Variants in RBCK1 observed in about 807,000 individuals in gnomAD.
The protein encoded by RBCK1 is RANBP2-type and C3HC4-type zinc finger containing 1.
In RBCK1, 44 loss-of-function variants were observed where a neutral mutation model predicts 71.1. The observed-to-expected ratio is 0.62, with a 90% CI of 0.49 to 0.80. The LOEUF (loss-of-function observed/expected upper bound fraction) is 0.80, where lower values mean the gene tolerates loss of function less well. Ranked by LOEUF, RBCK1 falls within the 30% of genes least tolerant of loss-of-function variation. The pLI, the probability that RBCK1 is intolerant of heterozygous loss-of-function variation, is 0.00. For synonymous variants in RBCK1, 306 were observed against 279.7 expected, an observed-to-expected ratio of 1.09 and a Z score of -0.94; for missense variants, 569 against 685.0, an observed-to-expected ratio of 0.83 and a Z score of 1.89.
intron 2 of RBCK1, chr20:410,297 C>T (rs1239160275): frequency 1.5e-5 from 10 of 669,858 alleles, no homozygotes; most frequent in Non-Finnish European, 2.7e-5. Context: ...CAGAAGAAAA[C>T]GGAACAGTGA....
chr20:410,918 A>T (rs1016879248), intron 2 of RBCK1, among the ~76,000 whole-genome samples: 1 of 152,034 alleles, frequency 6.6e-6, no homozygotes, highest in Non-Finnish European at 1.5e-5. Context: ...ATACAGTTCA[A>T]TGGCTTTTAG....
intron 2 of RBCK1, among the ~76,000 whole-genome samples, chr20:414,698 G>A (rs2015891517): frequency 6.6e-6 from 1 of 152,158 alleles, no homozygotes; most frequent in African/African-American, 2.4e-5. Flanking sequence ...AGGATTTATA[G>A]TATTTTGATT....
chr20:419,247 TA>T (rs1399751590), intron 4 of RBCK1, 99 bp from the exon 5 acceptor site: 31 of 1,507,806 alleles, frequency 2.1e-5, no homozygotes, highest in Non-Finnish European at 2.5e-5. Context: ...AGGGAGAGGA[TA>T]GGGGGAGGGT....
At chr20:419,195 G>A (rs998272493) in intron 4 of RBCK1, 152 bp from the exon 5 acceptor site, 5 of 995,664 alleles carry the variant, frequency 5.0e-6, no homozygotes, top group African/African-American at 1.6e-5. Context: ...GAGCCAGGAT[G>A]CCCACTTGGC....
Position 430,920 on chromosome 20 carries a change from C to T in RBCK1, c.*490C>T. 1 of 161,254 alleles carries T rather than the reference C, an allele frequency of 6.2e-6. No individual in the cohort carries two copies. The highest frequency in any genetic ancestry group is 1.4e-5 in the Non-Finnish European group (1 of 73,592). The allele number at this position is 161,254 out of a possible 1,614,324, so 10.0% of individuals were successfully genotyped here. A position where few individuals can be genotyped will look rare whatever the true frequency, so the allele number is the denominator to read the frequency against. On this transcript the variant is annotated 3_prime_UTR_variant, in exon 12 of 12. Coordinates refer to ENST00000356286, the MANE Select transcript of RBCK1 (RefSeq NM_031229.4). This position sits in a 1 kb window ranked among gnomAD's most constrained non-coding sequence, Gnocchi z 5.6. ...GTCAGGTCCGGCTCTGCGTCTCCCT[C>T]TCTGCAGCCTGTGTAAGCTATTATA...
In RBCK1 at chr20:430,517, G is replaced by C. The variant is rs2016965818; in HGVS notation, c.*87G>C. ...CTCAGGGAGCTTCGTGGACGGCCTT[G>C]CTTGCTGTAGCGTTGTAGGGGCCCT... On this transcript the variant is annotated 3_prime_UTR_variant, in exon 12 of 12. Coordinates refer to ENST00000356286, the MANE Select transcript of RBCK1 (RefSeq NM_031229.4). This position sits in a 1 kb window ranked among gnomAD's most constrained non-coding sequence, Gnocchi z 5.6. 7 of 1,368,840 alleles carry C rather than the reference G, an allele frequency of 5.1e-6. No homozygotes were observed. The highest frequency in any genetic ancestry group is 1.8e-4 in the Middle Eastern group (1 of 5,584). 84.8% of individuals were successfully genotyped at this position (1,368,840 alleles called of 1,614,324 possible).
rs1259136414 is a variant in RBCK1, at chr20:430,329, T to C, written c.1453-21T>C. On this transcript the variant is annotated intron_variant, in intron 11 of 11. Coordinates refer to ENST00000356286, the MANE Select transcript of RBCK1 (RefSeq NM_031229.4). The surrounding 1 kb of genome is among the most constrained non-coding windows in gnomAD (Gnocchi z 5.6). ...TCTCTGCACTGCGCTGACATTCTCTTCTCTTCCTCCCATCCTCTAGGGCCC... is the reference window on the plus strand; with the variant it reads ...TCTCTGCACTGCGCTGACATTCTCTCCTCTTCCTCCCATCCTCTAGGGCCC... 1 of 1,584,498 alleles carries C rather than the reference T, an allele frequency of 6.3e-7. No individual in the cohort carries two copies. Among genetic ancestry groups the C allele is most frequent in the East Asian group, 2.2e-5 (1 of 44,726 alleles).
intron 2 of RBCK1, chr20:410,685 A>C (rs2015655501): frequency 6.2e-6 from 4 of 643,198 alleles, no homozygotes; most frequent in African/African-American, 1.8e-5. Flanking sequence ...GCTCCAGGAG[A>C]CTTAAACTCA....
chr20:429,785 C>T (rs555531913), intron 11 of RBCK1, among the ~76,000 whole-genome samples: 2 of 152,296 alleles, frequency 1.3e-5, no homozygotes, highest in South Asian at 2.1e-4. Flanking sequence ...AGTAAAGGTT[C>T]GATCTGGAGT....
rs555869241 is a variant in RBCK1, at chr20:418,586, T to G, written c.460+656T>G. The stretch of plus-strand genomic sequence containing the variant: ...GGTTTCACCGTGTTAGCCAGGATGG[T>G]CTCGATCTCCTGACTTTGTGATCCG... On this transcript the variant is annotated intron_variant, in intron 4 of 11. Transcript: ENST00000356286. Among the ~76,000 whole-genome samples, 4 of 152,264 alleles carry G rather than the reference T, an allele frequency of 2.6e-5. No individual in the cohort carries two copies. The South Asian group carries it at 8.3e-4, about 32-fold the overall frequency.
At position 422,679 on chromosome 20, in the gene RBCK1, G is replaced by A. The variant is rs977861115; in HGVS notation, c.1029+441G>A. Among the ~76,000 whole-genome samples the A allele has an allele frequency of 2.0e-5, 3 of 152,050 alleles. No individual in the cohort carries two copies. Among genetic ancestry groups the A allele is most frequent in the South Asian group, 2.1e-4 (1 of 4,820 alleles). Reference sequence around the variant, plus strand: ...AAATATTCAAAAAATAGCCAGGCGCGGGGGCATGCGCCTGTAGTCCTAGCT... The same window carrying A: ...AAATATTCAAAAAATAGCCAGGCGCAGGGGCATGCGCCTGTAGTCCTAGCT... On this transcript the variant is annotated intron_variant, in intron 8 of 11. Coordinates refer to ENST00000356286, the MANE Select transcript of RBCK1 (RefSeq NM_031229.4). The surrounding 1 kb of genome is among the most constrained non-coding windows in gnomAD (Gnocchi z 5.0).
At position 430,968 on chromosome 20, in the gene RBCK1, G is replaced by A. The variant is rs1381173836; in HGVS notation, c.*538G>A. ...ATAATTAAAATGGTTTTCCGGGAAG[G>A]GATGAGTGTGATGTCCTTGAGAGGA... On this transcript the variant is annotated 3_prime_UTR_variant, in exon 12 of 12. Coordinates refer to ENST00000356286, the MANE Select transcript of RBCK1 (RefSeq NM_031229.4). The surrounding 1 kb of genome is among the most constrained non-coding windows in gnomAD (Gnocchi z 5.6). The A allele has an allele frequency of 6.4e-6, 1 of 155,504 alleles. No individual in the cohort carries two copies. Among genetic ancestry groups the A allele is most frequent in the Non-Finnish European group, 1.4e-5 (1 of 70,184 alleles). 9.6% of individuals were successfully genotyped at this position (155,504 alleles called of 1,614,324 possible).
chr20:415,166 A>T (rs1412171093), intron 2 of RBCK1, among the ~76,000 whole-genome samples: 1 of 152,190 alleles, frequency 6.6e-6, no homozygotes, highest in Non-Finnish European at 1.5e-5. Flanking sequence ...GCTTGAACCC[A>T]TGAGTTCAAA....
intron 2 of RBCK1, chr20:410,574 A>G (rs776037039): frequency 7.7e-6 from 6 of 779,692 alleles, no homozygotes; most frequent in Admixed American, 1.7e-5. Flanking sequence ...TCCCACAGCT[A>G]CAGTTCAGCT....
rs1316033176 is a variant in RBCK1, at chr20:428,330, C to T, written c.1210-161C>T. Among the ~76,000 whole-genome samples the T allele has an allele frequency of 6.6e-6, 1 of 152,220 alleles. No homozygotes were observed. The highest frequency in any genetic ancestry group is 1.9e-4 in the East Asian group (1 of 5,204). Reference sequence around the variant, plus strand: ...ACTTCACCTCCCTGGCGCCAATATCCTCTTCTGTAAAATGGCTTATGCATT... The same window carrying T: ...ACTTCACCTCCCTGGCGCCAATATCTTCTTCTGTAAAATGGCTTATGCATT... On this transcript the variant is annotated intron_variant, in intron 9 of 11. Transcript: ENST00000356286. The surrounding 1 kb of genome is among the most constrained non-coding windows in gnomAD (Gnocchi z 5.7).
At chr20:425,329 C>G (rs149600454) in intron 8 of RBCK1, among the ~76,000 whole-genome samples, 2 of 152,198 alleles carry the variant, frequency 1.3e-5, no homozygotes, top group Non-Finnish European at 2.9e-5. Flanking sequence ...TTTTTTAAGT[C>G]AACTTTACTT....
intron 2 of RBCK1, chr20:410,724 C>T (rs1259737606): frequency 1.9e-5 from 11 of 584,424 alleles, no homozygotes; most frequent in African/African-American, 3.8e-5. Flanking sequence ...CAATGCCTGG[C>T]GTGTTATGCA....
Position 419,415 on chromosome 20 carries a change from G to T in RBCK1, c.529G>T (p.Val177Phe). The T allele has an allele frequency of 1.9e-6, 3 of 1,610,392 alleles. No homozygotes were observed. Among genetic ancestry groups the T allele is most frequent in the Non-Finnish European group, 2.5e-6 (3 of 1,178,748 alleles). ...GGAGCCAGGCCCCCCAAAGCCCGGG[G>T]TCCCCCAGGAACCCGGACGGGGGCA... ...PLEPGPPKPG[V>F]PQEPGRGQPD... is the part of the protein sequence containing the mutation. Residue 177 changes from valine (V) to phenylalanine (F), a missense_variant, in exon 5 of 12, where the codon GTC becomes TTC. Around this residue, in one of 2 missense-constraint regions of RBCK1, gnomAD observed 358 missense variants for 375.6 expected, o/e 0.95. Transcript: ENST00000356286.
chr20:412,297 C>A (rs971535706), intron 2 of RBCK1, among the ~76,000 whole-genome samples: 3 of 151,472 alleles, frequency 2.0e-5, no homozygotes, highest in East Asian at 3.9e-4. Flanking sequence ...CTATTCAGGT[C>A]TTTTGCCCAT....
Sources: allele counts gnomAD v4.1 joint callset (sites outside exome capture counted in the v4.1 genomes callset), GRCh38; gene constraint gnomAD v4.1.1; regional missense constraint gnomAD v4.1.1; non-coding constraint Gnocchi (gnomAD v3.1); transcripts MANE v1.5; gene names NCBI Gene and HGNC (gene_info 2026-07-23, HGNC 2026-07-21).